Variants in TPPP observed in about 807,000 individuals in gnomAD.
TPPP encodes tubulin polymerization promoting protein, also known as tubulin polymerization-promoting protein.
TPPP carries 6 observed loss-of-function variants against 15.5 expected under a neutral mutation model. That is an observed-to-expected ratio of 0.39 (90% confidence interval 0.21 to 0.77). The LOEUF (loss-of-function observed/expected upper bound fraction) is 0.77. Ranked by LOEUF, TPPP falls within the 30% of genes least tolerant of loss-of-function variation. TPPP has a pLI of 0.42. For synonymous variants in TPPP, 146 were observed against 133.9 expected, an observed-to-expected ratio of 1.09 and a Z score of -0.63; for missense variants, 269 against 307.2, an observed-to-expected ratio of 0.88 and a Z score of 0.93.
chr5:673,604 G>C (rs1281439240), intron 2 of TPPP, among the ~76,000 whole-genome samples: 1 of 152,184 alleles, frequency 6.6e-6, no homozygotes, highest in Non-Finnish European at 1.5e-5. Context: ...CCCAGGACCG[G>C]GTCTCAGCCT....
At chr5:692,482 C>G in intron 1 of TPPP, 2 of 877,134 alleles carry the variant, frequency 2.3e-6, no homozygotes, top group Non-Finnish European at 2.7e-6. Context: ...CCCCCAAACC[C>G]CCATCAAGAC....
Position 665,253 on chromosome 5 carries a change from G to A in TPPP, c.509C>T (p.Thr170Ile). The A allele has an allele frequency of 6.2e-7, 1 of 1,613,800 alleles. No homozygotes were observed. The highest frequency in any genetic ancestry group is 8.5e-7 in the Non-Finnish European group (1 of 1,179,940). The change falls in exon 4 of 4, where the codon ACC (threonine) becomes ATC (isoleucine). Residue 170 changes from threonine (T) to isoleucine (I), a missense_variant. Physicochemically the swap from Thr to Ile is moderately conservative, Grantham distance 89. Transcript: ENST00000360578. ...SPTVSRLTDTTKFTGSHKERF... is the reference protein window; with the variant it reads ...SPTVSRLTDTIKFTGSHKERF... ...CTCCTTGTGGGAGCCCGTGAACTTGGTGGTGTCCGTGAGCCTCGACACTGT... is the reference window on the plus strand; with the variant it reads ...CTCCTTGTGGGAGCCCGTGAACTTGATGGTGTCCGTGAGCCTCGACACTGT...
At chr5:665,334 C>A (rs750159947) in intron 3 of TPPP, 38 bp from the exon 4 acceptor site, 53 of 1,579,136 alleles carry the variant, frequency 3.4e-5, no homozygotes, top group Non-Finnish European at 4.3e-5. Flanking sequence ...AGGTGAGTTG[C>A]GAGCCAGGTG....
Position 662,498 on chromosome 5 carries a change from C to G in TPPP, c.*2604G>C, listed in dbSNP as rs3762951. On this transcript the variant is annotated 3_prime_UTR_variant, in exon 4 of 4. Coordinates refer to ENST00000360578, the MANE Select transcript of TPPP (RefSeq NM_007030.3). The stretch of plus-strand genomic sequence containing the variant: ...TGTGCCTGCCGTGCGGTGTGAGGAC[C>G]CGCGGACCCCAACCCGCCCTTCCCT... The G allele has an allele frequency of 0.13, 20,379 of 152,526 alleles. 1,749 individuals carry two copies. The highest frequency in any genetic ancestry group is 0.19 in the Admixed American group (2,912 of 15,304). 9.4% of individuals were successfully genotyped at this position (152,526 alleles called of 1,614,324 possible). A position where few individuals can be genotyped will look rare whatever the true frequency, so the allele number is the denominator to read the frequency against.
intron 2 of TPPP, among the ~76,000 whole-genome samples, chr5:675,653 CCTCGAGGGCT>C (rs1740407478): frequency 6.6e-6 from 1 of 151,858 alleles, no homozygotes; most frequent in Admixed American, 6.6e-5. Flanking sequence ...TTGGACGGAC[CCTCGAGGGCT>C]GAGCCCCAGC....
At chr5:672,003 TCA>T (rs1001708736) in intron 2 of TPPP, among the ~76,000 whole-genome samples, 4 of 152,170 alleles carry the variant, frequency 2.6e-5, no homozygotes, top group African/African-American at 9.7e-5. Context: ...CAGGAGGACG[TCA>T]CACACAGTGC....
chr5:673,176 C>T (rs529146443), intron 2 of TPPP, among the ~76,000 whole-genome samples: 1 of 152,322 alleles, frequency 6.6e-6, no homozygotes, highest in East Asian at 1.9e-4. Context: ...CACAGGCCCG[C>T]CGCCACCACC....
At chr5:685,106 AGGTCACTGTCCTGAGG>A (rs1471653051) in intron 1 of TPPP, among the ~76,000 whole-genome samples, 2 of 152,116 alleles carry the variant, frequency 1.3e-5, no homozygotes, top group African/African-American at 2.4e-5. Context: ...TGGTCCTGAG[AGGTCACTGTCCTGAGG>A]GGTCACTGGT....
chr5:672,300 G>A (rs1375730091), intron 2 of TPPP, among the ~76,000 whole-genome samples: 1 of 152,016 alleles, frequency 6.6e-6, no homozygotes, highest in Non-Finnish European at 1.5e-5. Context: ...GTCTCCCACT[G>A]GCCCTGGCTT....
intron 2 of TPPP, among the ~76,000 whole-genome samples, chr5:674,223 G>A (rs1276696501): frequency 3.3e-5 from 5 of 152,198 alleles, no homozygotes; most frequent in African/African-American, 1.2e-4. Flanking sequence ...CGGCACAGAG[G>A]GCACCCAGGG....
intron 2 of TPPP, among the ~76,000 whole-genome samples, chr5:674,718 C>T (rs140109443): frequency 6.6e-6 from 1 of 152,112 alleles, no homozygotes; most frequent in East Asian, 1.9e-4. Flanking sequence ...CTGCAGGAGG[C>T]TGCAGGTTTC....
chr5:660,987 A>G lies in TPPP; in HGVS notation c.*4115T>C, dbSNP rs1739568954. ...TAAAAGTAGTCCAGTATAAATATAT[A>G]TCTTCTACAATATTTTAAACATATA... On this transcript the variant is annotated 3_prime_UTR_variant, in exon 4 of 4. Coordinates refer to ENST00000360578, the MANE Select transcript of TPPP (RefSeq NM_007030.3). The G allele has an allele frequency of 6.6e-6, 1 of 152,252 alleles. No homozygotes were observed. Among genetic ancestry groups the G allele is most frequent in the Non-Finnish European group, 1.5e-5 (1 of 68,048 alleles). 9.4% of individuals were successfully genotyped at this position (152,252 alleles called of 1,614,324 possible).
chr5:696,121 G>C (rs1231568177), upstream of TPPP, among the ~76,000 whole-genome samples: 2 of 128,822 alleles, frequency 1.6e-5, no homozygotes, highest in East Asian at 2.0e-4. Flanking sequence ...TTTGTGGGTA[G>C]AGGTTCAGGC....
chr5:700,101 C>T, the TPPP span, among the ~76,000 whole-genome samples: 2 of 151,814 alleles, frequency 1.3e-5, 1 homozygote, highest in African/African-American at 4.8e-5. Context: ...CGGTATATAC[C>T]CAAAGGGAAA....
chr5:667,771 T>C (rs1739981911), intron 2 of TPPP, among the ~76,000 whole-genome samples: 1 of 150,848 alleles, frequency 6.6e-6, no homozygotes, highest in Non-Finnish European at 1.5e-5. Context: ...GACACGTGCA[T>C]GCAGACAAGC....
the TPPP span, among the ~76,000 whole-genome samples, chr5:698,696 G>T: frequency 1.1e-4 from 17 of 152,034 alleles, no homozygotes; most frequent in East Asian, 2.5e-3. Flanking sequence ...CTCCTAGCTG[G>T]TCCCTCCCAC....
intron 2 of TPPP, among the ~76,000 whole-genome samples, chr5:669,988 C>T (rs895731797): frequency 1.7e-4 from 26 of 152,192 alleles, no homozygotes; most frequent in African/African-American, 3.9e-4. Context: ...CTCCCCAGCC[C>T]GGCGCCCTGC....
intron 2 of TPPP, among the ~76,000 whole-genome samples, chr5:674,044 G>C (rs920173745): frequency 2.6e-5 from 4 of 152,196 alleles, no homozygotes; most frequent in African/African-American, 7.2e-5. Context: ...TGGTGTGTCC[G>C]GGCCAGCGCC....
the TPPP span, among the ~76,000 whole-genome samples, chr5:699,277 T>C: frequency 6.6e-6 from 1 of 152,204 alleles, no homozygotes; most frequent in East Asian, 1.9e-4. Context: ...ATGGTAGTAG[T>C]ACAAAAATAG....
Sources: gnomAD v4.1 joint callset for allele counts (sites outside exome capture counted in the v4.1 genomes callset) on GRCh38, gnomAD v4.1.1 for gene constraint, MANE v1.5 for transcripts, NCBI Gene and HGNC (gene_info 2026-07-23, HGNC 2026-07-21) for gene names.